The following DNMBP variants were observed in gnomAD, a reference collection of about 807,000 sequenced individuals.
The protein encoded by DNMBP is dynamin binding protein, also known as dynamin-binding protein.
Under a neutral mutation model 150.0 loss-of-function variants are expected in DNMBP, and 87 were observed. That is an observed-to-expected ratio of 0.58 (90% CI 0.49 to 0.69). The LOEUF is 0.69. DNMBP is among the 30% of genes least tolerant of loss of function. The probability of loss-of-function intolerance (pLI) is 0.00; values close to 1 mark genes in which losing one functional copy is unlikely to be tolerated. For synonymous variants in DNMBP, 711 were observed against 750.4 expected (o/e 0.95, Z 0.86); for missense variants, 1,774 against 1,949.0 (o/e 0.91, Z 1.69).
chr10:99,957,954 T>A (rs1435126683), intron 3 of DNMBP: 1 of 151,820 alleles, frequency 6.6e-6, no homozygotes, highest in East Asian at 1.9e-4. Context: ...GTCAACATGG[T>A]GAAACACCAT....
intron 1 of DNMBP, among the ~76,000 whole-genome samples, chr10:99,973,560 C>T (rs1446488441): frequency 2.0e-5 from 3 of 152,206 alleles, no homozygotes; most frequent in African/African-American, 7.2e-5. Context: ...GATCACAGTG[C>T]TCACAGCAGC....
chr10:99,885,617 T>TG (rs1448609138), intron 14 of DNMBP, 70 bp downstream of exon 14: 2 of 1,373,176 alleles, frequency 1.5e-6, no homozygotes, highest in Admixed American at 2.5e-5. Flanking sequence ...GATCTGGGCC[T>TG]GGGGGCCTGG....
chr10:99,914,753 G>A (rs899872053), intron 4 of DNMBP, among the ~76,000 whole-genome samples: 1 of 151,982 alleles, frequency 6.6e-6, no homozygotes, highest in African/African-American at 2.4e-5. Flanking sequence ...GAAAAGAGAC[G>A]AAAGAAAGGA....
At chr10:99,914,696 C>T (rs2039941784) in intron 4 of DNMBP, among the ~76,000 whole-genome samples, 1 of 151,994 alleles carries the variant, frequency 6.6e-6, no homozygotes, top group South Asian at 2.1e-4. Context: ...CAATATGCCA[C>T]AATTTTTTAA....
In DNMBP at chr10:99,898,299, A is replaced by G. The variant is rs767119119; in HGVS notation, c.2721-14T>C. The G allele has an allele frequency of 1.9e-6, 3 of 1,603,510 alleles. No homozygotes were observed. The South Asian group carries it at 3.3e-5, about 18-fold the overall frequency. On this transcript the variant is annotated splice_polypyrimidine_tract_variant and intron_variant, in intron 8 of 16. Coordinates refer to ENST00000324109, the MANE Select transcript of DNMBP (RefSeq NM_015221.4). The stretch of plus-strand genomic sequence containing the variant: ...TTTGTGCATCCCCTGTAAGAGAAGG[A>G]AAAAAGACTTTAGTAAGCTATCAAT...
chr10:99,912,567 T>C (rs1417778068), intron 4 of DNMBP, among the ~76,000 whole-genome samples: 1 of 152,204 alleles, frequency 6.6e-6, no homozygotes, highest in Non-Finnish European at 1.5e-5. Flanking sequence ...TAAAAACCCC[T>C]GTGGGATGTT....
intron 4 of DNMBP, among the ~76,000 whole-genome samples, chr10:99,924,507 T>C (rs569491006): frequency 2.0e-5 from 3 of 152,364 alleles, no homozygotes; most frequent in African/African-American, 4.8e-5. Context: ...CAACTGTCCA[T>C]AGCATTTACT....
At chr10:99,974,716 T>C (rs548587772) in intron 1 of DNMBP, among the ~76,000 whole-genome samples, 4 of 152,126 alleles carry the variant, frequency 2.6e-5, no homozygotes, top group African/African-American at 9.7e-5. Flanking sequence ...ACAACCATCA[T>C]CACATCAAAA....
At chr10:99,975,604 G>GT (rs760006387) in intron 1 of DNMBP, among the ~76,000 whole-genome samples, 12 of 152,006 alleles carry the variant, frequency 7.9e-5, no homozygotes, top group Non-Finnish European at 1.5e-4. Context: ...TGGTAAGTGG[G>GT]TATTTCCCAC....
intron 4 of DNMBP, among the ~76,000 whole-genome samples, chr10:99,950,242 C>T (rs1338957013): frequency 1.3e-5 from 2 of 152,218 alleles, no homozygotes; most frequent in Non-Finnish European, 2.9e-5. Flanking sequence ...TTGCCTTCCA[C>T]CATGATTGTG....
intron 3 of DNMBP, among the ~76,000 whole-genome samples, chr10:99,959,829 C>T (rs980657891): frequency 2.7e-5 from 4 of 148,274 alleles, no homozygotes; most frequent in African/African-American, 5.0e-5. Flanking sequence ...CACTCCGGCC[C>T]GGGCAACAGA....
In DNMBP at chr10:99,882,658, A is replaced by C. The variant is rs549726072; in HGVS notation, c.3997+1353T>G. On this transcript the variant is annotated intron_variant, in intron 15 of 16. Transcript: ENST00000324109. ...TAAACTAAAACTTAAAGTATCTCAC[A>C]TAATTGCAAATAGGAAAGTTCTGAT... Among the ~76,000 whole-genome samples, 25 of 152,338 alleles carry C rather than the reference A, an allele frequency of 1.6e-4. No individual in the cohort carries two copies. In the East Asian group the frequency reaches 4.8e-3, roughly 29 times the overall value.
chr10:99,994,927 G>T (rs543255155), intron 1 of DNMBP, among the ~76,000 whole-genome samples: 1 of 152,048 alleles, frequency 6.6e-6, no homozygotes, highest in South Asian at 2.1e-4. Flanking sequence ...AAATGGTTTT[G>T]TTTGTTTGTT....
intron 4 of DNMBP, among the ~76,000 whole-genome samples, chr10:99,952,967 CA>C (rs1425905007): frequency 6.6e-6 from 1 of 152,136 alleles, no homozygotes. Context: ...CCTGATGACA[CA>C]TAAGTTCAAA....
intron 1 of DNMBP, among the ~76,000 whole-genome samples, chr10:99,989,159 A>G (rs879361720): frequency 6.6e-5 from 10 of 152,370 alleles, no homozygotes; most frequent in South Asian, 4.1e-4. Context: ...GTATATCATT[A>G]ATAGTATACA....
chr10:99,921,821 C>T lies in DNMBP; in HGVS notation c.2261-12675G>A, dbSNP rs544319299. ...TGGGGGCTGCAGTGTGCCAAGATCA[C>T]GCCACTGCACTCCAGCCTGGGCAAC... is the stretch of plus-strand genomic sequence containing the variant. On this transcript the variant is annotated intron_variant, in intron 4 of 16. Coordinates refer to ENST00000324109, the MANE Select transcript of DNMBP (RefSeq NM_015221.4). Among the ~76,000 whole-genome samples, 7 of 138,552 alleles carry T rather than the reference C, an allele frequency of 5.1e-5. No individual in the cohort carries two copies. In the South Asian group the frequency reaches 1.2e-3, roughly 24 times the overall value. 90.9% of individuals were successfully genotyped at this position (138,552 alleles called of 152,430 possible).
intron 11 of DNMBP, among the ~76,000 whole-genome samples, chr10:99,893,691 C>A (rs146277805): frequency 3.3e-5 from 5 of 152,324 alleles, no homozygotes; most frequent in Non-Finnish European, 1.5e-5. Context: ...TCTGCCACTG[C>A]ACTCTAGCCT....
chr10:99,970,701 G>A (rs181414824), intron 2 of DNMBP, among the ~76,000 whole-genome samples: 237 of 152,018 alleles, frequency 1.6e-3, no homozygotes, highest in African/African-American at 5.3e-3. Context: ...TGCCGGGTGC[G>A]GTGGCTCACA....
At chr10:99,904,921 AG>A (rs768387692) in intron 6 of DNMBP, among the ~76,000 whole-genome samples, 6 of 152,196 alleles carry the variant, frequency 3.9e-5, no homozygotes, top group Non-Finnish European at 8.8e-5. Flanking sequence ...ATCAGACCTA[AG>A]GGGAGAAGGC....
Sources: gnomAD v4.1 joint callset for allele counts (sites outside exome capture counted in the v4.1 genomes callset) on GRCh38, gnomAD v4.1.1 for gene constraint, MANE v1.5 for transcripts, NCBI Gene and HGNC (gene_info 2026-07-23, HGNC 2026-07-21) for gene names.